The following SOX6 variants were observed in gnomAD, a reference collection of about 807,000 sequenced individuals.
The protein encoded by SOX6 is transcription factor SOX-6.
SOX6 carries 11 observed loss-of-function variants against 97.8 expected under a neutral mutation model. That is an observed-to-expected ratio of 0.11 (90% confidence interval 0.07 to 0.19). The LOEUF is 0.19. SOX6 is among the 10% of genes least tolerant of loss of function. The pLI is 1.00. For synonymous variants in SOX6, 360 were observed against 371.4 expected (o/e 0.97, Z 0.35); for missense variants, 810 against 1,039.5 (o/e 0.78, Z 3.04).
intron 3 of SOX6, among the ~76,000 whole-genome samples, chr11:16,648,619 A>G (rs916715642): frequency 6.6e-6 from 1 of 152,210 alleles, no homozygotes; most frequent in African/African-American, 2.4e-5. Context: ...GATCCCAGGA[A>G]GAAGATAATA....
At chr11:16,098,882 G>C (rs1477763804) in intron 7 of SOX6, among the ~76,000 whole-genome samples, 2 of 151,776 alleles carry the variant, frequency 1.3e-5, no homozygotes, top group Non-Finnish European at 2.9e-5. Context: ...GTATGGACAC[G>C]AATACCTGGA....
intron 9 of SOX6, among the ~76,000 whole-genome samples, chr11:16,064,519 C>CATATAT (rs34969974): frequency 1.4e-5 from 2 of 146,422 alleles, no homozygotes; most frequent in Non-Finnish European, 3.0e-5. Context: ...CAAAGCCATA[C>CATATAT]ATATATATAT....
chr11:16,345,517 C>T (rs1051508925), intron 1 of SOX6, among the ~76,000 whole-genome samples: 80 of 151,936 alleles, frequency 5.3e-4, no homozygotes, highest in Non-Finnish European at 5.7e-4. Context: ...ACGAACACCT[C>T]TAGAAAGGTC....
rs573809752 is a variant in SOX6, at chr11:16,639,793, C to T, written n.430-27533G>A. 3.3e-5 allele frequency among the ~76,000 whole-genome samples: 5 copies of T among 152,240 alleles called. 1 individual carries two copies. The South Asian group carries it at 1.0e-3, about 32-fold the overall frequency. ...AGACTTTGCTGAAGTTGCTTATCAG[C>T]TTAAGGAGATTTTGGGCTGAGACGA... On this transcript the variant is annotated intron_variant and non_coding_transcript_variant, in intron 3 of 5. Coordinates refer to the SOX6 transcript ENST00000524520.
intron 4 of SOX6, among the ~76,000 whole-genome samples, chr11:16,587,134 G>A (rs1443485342): frequency 6.6e-6 from 1 of 152,112 alleles, no homozygotes; most frequent in Non-Finnish European, 1.5e-5. Flanking sequence ...TTATTATCTG[G>A]TCTGTAGATT....
intron 4 of SOX6, among the ~76,000 whole-genome samples, chr11:16,496,407 G>C (rs562061784): frequency 1.3e-5 from 2 of 152,154 alleles, no homozygotes; most frequent in African/African-American, 2.4e-5. Context: ...CAGAAGATGG[G>C]TGATTTCTGC....
intron 6 of SOX6, among the ~76,000 whole-genome samples, chr11:16,157,598 C>G (rs1359060761): frequency 3.9e-5 from 6 of 151,958 alleles, no homozygotes; most frequent in Non-Finnish European, 7.4e-5. Flanking sequence ...AGTGATCTTT[C>G]TGAAAGGCAA....
chr11:16,239,257 CTATAACG>C (rs1853112866), intron 3 of SOX6, among the ~76,000 whole-genome samples: 1 of 152,058 alleles, frequency 6.6e-6, no homozygotes, highest in Non-Finnish European at 1.5e-5. Flanking sequence ...TTTGAAGTCA[CTATAACG>C]TACAAAGCAC....
At chr11:16,301,661 A>T (rs1855261300) in intron 3 of SOX6, among the ~76,000 whole-genome samples, 1 of 152,142 alleles carries the variant, frequency 6.6e-6, no homozygotes, top group African/African-American at 2.4e-5. Context: ...AGGTATAGTC[A>T]CTTCCCTTAT....
intron 6 of SOX6, among the ~76,000 whole-genome samples, chr11:16,119,333 C>A (rs916086788): frequency 6.6e-6 from 1 of 152,076 alleles, no homozygotes; most frequent in Non-Finnish European, 1.5e-5. Context: ...TAACAGAAAC[C>A]CTTTTAGTCT....
rs570927528 is a variant in SOX6, at chr11:16,237,222, C to T, written c.446-2551G>A. 1.8e-4 allele frequency among the ~76,000 whole-genome samples: 27 copies of T among 152,010 alleles called. 1 individual carries two copies. The Middle Eastern group carries it at 0.024, about 134-fold the overall frequency. On this transcript the variant is annotated intron_variant, in intron 3 of 15. Coordinates refer to ENST00000683767, the MANE Select transcript of SOX6 (RefSeq NM_001367873.1). ...TGACTGCCAAACCTCTAGAGGCATA[C>T]CACAATTGGTGCTAAGCATTCTCCA... is the stretch of plus-strand genomic sequence containing the variant.
In SOX6 at chr11:16,675,909, GCTCT is replaced by G. The variant is rs780325891; in HGVS notation, n.429+38917_429+38920del. On this transcript the variant is annotated intron_variant and non_coding_transcript_variant, in intron 3 of 5. Coordinates refer to the SOX6 transcript ENST00000524520. ...TTTAATTATAACTTATCTTGGTGTG[GCTCT>G]CTGTTATCTTACATGGAGTTTGTTG... 3.9e-5 allele frequency among the ~76,000 whole-genome samples: 6 copies of G among 152,234 alleles called. No homozygotes were observed. The South Asian group carries it at 1.2e-3, about 32-fold the overall frequency.
intron 3 of SOX6, among the ~76,000 whole-genome samples, chr11:16,668,521 C>G (rs893657937): frequency 6.6e-6 from 1 of 152,024 alleles, no homozygotes; most frequent in Non-Finnish European, 1.5e-5. Context: ...AACCAGAAAA[C>G]AAATAACAAA....
At chr11:16,584,566 AC>A (rs1302127599) in intron 4 of SOX6, among the ~76,000 whole-genome samples, 1 of 152,134 alleles carries the variant, frequency 6.6e-6, no homozygotes, top group Non-Finnish European at 1.5e-5. Context: ...CACTAGGAAA[AC>A]AGTATGGAAT....
chr11:16,195,541 G>A (rs1264648688), intron 4 of SOX6, among the ~76,000 whole-genome samples: 3 of 152,182 alleles, frequency 2.0e-5, no homozygotes, highest in African/African-American at 7.2e-5. Context: ...CTAGCAATCA[G>A]ACAACCAAAG....
At chr11:16,536,954 C>T (rs917039392) in intron 4 of SOX6, among the ~76,000 whole-genome samples, 1 of 152,224 alleles carries the variant, frequency 6.6e-6, no homozygotes, top group Non-Finnish European at 1.5e-5. Context: ...AGCACTGGTT[C>T]TCCCAGCACA....
chr11:16,680,400 G>T (rs776736617), intron 3 of SOX6, among the ~76,000 whole-genome samples: 3 of 152,144 alleles, frequency 2.0e-5, no homozygotes, highest in African/African-American at 4.8e-5. Context: ...CTACAGACAA[G>T]CAAATGCTGA....
At chr11:16,315,954 A>G (rs1396250401) in intron 3 of SOX6, 2 of 152,138 alleles carry the variant, frequency 1.3e-5, no homozygotes, top group Non-Finnish European at 2.9e-5. Flanking sequence ...TACTTCACAA[A>G]CATTCTATTG....
At chr11:16,715,747 A>T (rs1848215390) in intron 2 of SOX6, among the ~76,000 whole-genome samples, 1 of 151,140 alleles carries the variant, frequency 6.6e-6, no homozygotes, top group Non-Finnish European at 1.5e-5. Flanking sequence ...GCAAGGAAGT[A>T]AAAAAAAAGA....
Sources: gnomAD v4.1 joint callset for allele counts (sites outside exome capture counted in the v4.1 genomes callset) on GRCh38, gnomAD v4.1.1 for gene constraint, MANE v1.5 for transcripts, NCBI Gene and HGNC (gene_info 2026-07-23, HGNC 2026-07-21) for gene names.